TTC19: variants seen among roughly 807,000 people sequenced by gnomAD.
TTC19 encodes tetratricopeptide repeat protein 19, mitochondrial.
A neutral mutation model predicts 49.5 loss-of-function variants in TTC19; 38 were observed. The ratio of observed to expected loss-of-function variants is 0.77; its 90% CI spans 0.59 to 1.01. The LOEUF (loss-of-function observed/expected upper bound fraction) is 1.01, where lower values mean the gene tolerates loss of function less well. TTC19 is among the 50% of genes least tolerant of loss of function. The pLI, the probability that TTC19 is intolerant of heterozygous loss-of-function variation, is 0.00. For missense variants in TTC19, 475 were observed against 477.7 expected, an observed-to-expected ratio of 0.99 and a Z score of 0.05; for synonymous variants, 204 against 185.2, an observed-to-expected ratio of 1.10 and a Z score of -0.83.
At chr17:16,041,613 C>T (rs995774987) in intron 2 of TTC19, among the ~76,000 whole-genome samples, 2 of 151,820 alleles carry the variant, frequency 1.3e-5, no homozygotes, top group South Asian at 4.2e-4. Flanking sequence ...CGGAGTTTCA[C>T]CATTTTGGCC....
At chr17:16,009,910 C>G (rs1971016566) in intron 7 of TTC19, among the ~76,000 whole-genome samples, 1 of 152,136 alleles carries the variant, frequency 6.6e-6, no homozygotes, top group South Asian at 2.1e-4. Flanking sequence ...AGGAATGGAA[C>G]AAAGGCTGAA....
Position 16,020,460 on chromosome 17 carries a change from G to A in TTC19, c.677-4557G>A, listed in dbSNP as rs376056700. Among the ~76,000 whole-genome samples the A allele has an allele frequency of 3.3e-5, 5 of 151,934 alleles. No individual in the cohort carries two copies. In the East Asian group the frequency reaches 5.8e-4, roughly 18 times the overall value. On this transcript the variant is annotated intron_variant, in intron 7 of 9. Transcript: ENST00000261647. ...TTTGTAGCTTGTCTTTTCACATTAG[G>A]GCATTTGATGTAGATTAAAAATTTG...
chr17:16,003,865 T>C lies in TTC19; in HGVS notation c.497T>C (p.Leu166Pro). Residue 166 changes from leucine to proline, a missense_variant, in exon 5 of 10, where the codon CTC becomes CCC. By Grantham distance (98) the Leu-to-Pro change is moderately conservative. Transcript: ENST00000261647. ...CTTTTTAAAGCAACAATGAGTTACCTCCTTGGAGGGGGCATGAAGCAGGTA... is the reference window on the plus strand; with the variant it reads ...CTTTTTAAAGCAACAATGAGTTACCCCCTTGGAGGGGGCATGAAGCAGGTA... ...EQLFKATMSY[L>P]LGGGMKQEDN... 1.9e-6 allele frequency: 3 copies of C among 1,613,896 alleles called. No individual in the cohort carries two copies. The highest frequency in any genetic ancestry group is 1.7e-6 in the Non-Finnish European group (2 of 1,179,910).
chr17:16,032,196 A>G (rs1173027611), downstream of TTC19: 16 of 1,202,680 alleles, frequency 1.3e-5, no homozygotes, highest in East Asian at 8.8e-5. Flanking sequence ...GTCTCAGGGA[A>G]TAAGTCACAG....
downstream of TTC19, chr17:16,031,649 AT>A (rs1194869515): frequency 4.4e-6 from 1 of 227,046 alleles, no homozygotes; most frequent in Non-Finnish European, 8.8e-6. Context: ...ATATGGCAGA[AT>A]TTGTTACTTT....
chr17:16,023,289 C>T (rs1386632109), intron 7 of TTC19: 1 of 152,134 alleles, frequency 6.6e-6, no homozygotes, highest in African/African-American at 2.4e-5. Flanking sequence ...TTCCACTCCA[C>T]TATTCAGTGA....
chr17:16,043,444 A>G (rs2152099774), intron 2 of TTC19, among the ~76,000 whole-genome samples: 1 of 152,356 alleles, frequency 6.6e-6, no homozygotes, highest in South Asian at 2.1e-4. Context: ...TTCTGTTAGT[A>G]CTTCCCTTAA....
At chr17:16,034,270 T>A (rs907036771), downstream of TTC19, among the ~76,000 whole-genome samples, 9 of 152,182 alleles carry the variant, frequency 5.9e-5, no homozygotes, top group Non-Finnish European at 1.5e-5. Context: ...CTTTGCATTC[T>A]AAAAATGTTT....
chr17:16,014,707 C>A (rs1191571947), intron 7 of TTC19, among the ~76,000 whole-genome samples: 1 of 152,100 alleles, frequency 6.6e-6, no homozygotes, highest in Non-Finnish European at 1.5e-5. Context: ...ATTCCAAACT[C>A]AAAAAATCTG....
intron 7 of TTC19, among the ~76,000 whole-genome samples, chr17:16,011,475 G>A (rs758430091): frequency 3.9e-5 from 6 of 152,190 alleles, no homozygotes; most frequent in South Asian, 4.1e-4. Context: ...GCCCGGCCGC[G>A]TTATATCTTT....
chr17:16,035,530 CTT>C (rs966987249), intron 2 of TTC19, among the ~76,000 whole-genome samples: 183 of 118,288 alleles, frequency 1.5e-3, no homozygotes, highest in Middle Eastern at 8.3e-3. Context: ...TTCTCTTGTT[CTT>C]TTTTTTTTTT....
rs1263985100 is a variant in TTC19 at position 16,000,099 on chromosome 17, T to G, written c.185-19T>G. ...GGGGCGCGGGCCGGGCCCGATGACC[T>G]CAGAGCCCCTTCCCGCAGCGCTCGC... On this transcript the variant is annotated intron_variant, in intron 1 of 9. Transcript: ENST00000261647. 7.9e-6 allele frequency: 12 copies of G among 1,518,812 alleles called. No homozygotes were observed. Among genetic ancestry groups the G allele is most frequent in the Non-Finnish European group, 1.1e-5 (12 of 1,139,480 alleles). The allele number at this position is 1,518,812 out of a possible 1,614,324, so 94.1% of individuals were successfully genotyped here.
chr17:16,038,238 G>C (rs1365910661), intron 2 of TTC19, among the ~76,000 whole-genome samples: 2 of 152,104 alleles, frequency 1.3e-5, no homozygotes, highest in African/African-American at 2.4e-5. Flanking sequence ...TTAAGAAAAA[G>C]GTTGTAAGAT....
intron 8 of TTC19, among the ~76,000 whole-genome samples, chr17:16,025,644 C>G (rs529199425): frequency 6.6e-6 from 1 of 152,188 alleles, no homozygotes; most frequent in East Asian, 1.9e-4. Context: ...TTAAGTATAA[C>G]GTGTAAAGCT....
chr17:16,002,915 G>C (rs1970785531), intron 4 of TTC19, 84 bp downstream of exon 4: 2 of 1,294,830 alleles, frequency 1.5e-6, no homozygotes, highest in Non-Finnish European at 2.2e-6. Context: ...AGGCTAAGCT[G>C]CTATAACAAA....
intron 7 of TTC19, among the ~76,000 whole-genome samples, chr17:16,018,980 G>T (rs1293731985): frequency 6.6e-6 from 1 of 151,918 alleles, no homozygotes; most frequent in Non-Finnish European, 1.5e-5. Flanking sequence ...CCTGCCTAGG[G>T]GTAGCTACTA....
intron 2 of TTC19, 95 bp from the exon 3 acceptor site, chr17:16,001,820 T>C: frequency 2.5e-6 from 2 of 808,522 alleles, no homozygotes; most frequent in Non-Finnish European, 4.2e-6. Context: ...AGCTTCCTTC[T>C]ATCAGTTGGG....
chr17:16,000,096 A>C, intron 1 of TTC19, 22 bp from the exon 2 acceptor site: 1 of 1,470,966 alleles, frequency 6.8e-7, no homozygotes, highest in Non-Finnish European at 8.9e-7. Flanking sequence ...GGGCCCGATG[A>C]CCTCAGAGCC....
At chr17:16,021,216 T>C (rs935476385) in intron 7 of TTC19, among the ~76,000 whole-genome samples, 1 of 151,990 alleles carries the variant, frequency 6.6e-6, no homozygotes, top group African/African-American at 2.4e-5. Flanking sequence ...TGAAACCCCG[T>C]CTCTAATAAA....
Sources: allele counts gnomAD v4.1 joint callset (sites outside exome capture counted in the v4.1 genomes callset), GRCh38; gene constraint gnomAD v4.1.1; transcripts MANE v1.5; gene names NCBI Gene and HGNC (gene_info 2026-07-23, HGNC 2026-07-21).